The following ANO3 variants were observed in gnomAD, a reference collection of about 807,000 sequenced individuals.
The protein encoded by ANO3 is anoctamin 3.
A neutral mutation model predicts 144.8 loss-of-function variants in ANO3; 99 were observed. That is an observed-to-expected ratio of 0.68 (90% CI 0.58 to 0.81). The LOEUF is 0.81. Ranked by LOEUF, ANO3 falls within the 30% of genes least tolerant of loss-of-function variation. The pLI is 0.00. For missense variants in ANO3, 905 were observed against 1,202.2 expected (o/e 0.75, Z 3.66); for synonymous variants, 414 against 392.6 (o/e 1.05, Z -0.64).
rs1013872628 is a variant in ANO3 at position 26,527,558 on chromosome 11, G to C, written c.737+1879G>C. Among the ~76,000 whole-genome samples, 3 of 152,072 alleles carry C rather than the reference G, an allele frequency of 2.0e-5. No individual in the cohort carries two copies. The East Asian group carries it at 5.8e-4, about 29-fold the overall frequency. Reference sequence around the variant, plus strand: ...ACTCAATCTGTAGACAGTTTGAAAAGTGGAAAATTGAAATCAAACGTGGCC... The same window carrying C: ...ACTCAATCTGTAGACAGTTTGAAAACTGGAAAATTGAAATCAAACGTGGCC... On this transcript the variant is annotated intron_variant, in intron 7 of 26. Transcript: ENST00000256737.
rs190987972 is a variant in ANO3 at position 26,633,177 on chromosome 11, A to G, written c.1874-1027A>G. Among the ~76,000 whole-genome samples the G allele has an allele frequency of 1.6e-3, 239 of 152,338 alleles. 1 individual carries two copies. Among genetic ancestry groups the G allele is most frequent in the African/African-American group, 5.5e-3 (228 of 41,578 alleles). ...GAATTCTTCAATTACGTTAAAATAT[A>G]TGTTAGATGAGACGTATCTATTTTC... On this transcript the variant is annotated intron_variant, in intron 18 of 26. Transcript: ENST00000256737.
chr11:26,262,557 T>C (rs1397859565), intron 1 of ANO3, among the ~76,000 whole-genome samples: 2 of 152,146 alleles, frequency 1.3e-5, no homozygotes, highest in Non-Finnish European at 2.9e-5. Flanking sequence ...TAATAGGTCT[T>C]CTGTTTTCTA....
At chr11:26,527,466 G>A (rs933289522) in intron 7 of ANO3, among the ~76,000 whole-genome samples, 2 of 151,850 alleles carry the variant, frequency 1.3e-5, no homozygotes, top group African/African-American at 4.8e-5. Flanking sequence ...GAGAGGTAGG[G>A]AATAAATAGA....
chr11:26,250,567 T>C lies in ANO3; in HGVS notation c.155-59078T>C, dbSNP rs527793790. Among the ~76,000 whole-genome samples the C allele has an allele frequency of 6.6e-5, 10 of 152,324 alleles. No individual in the cohort carries two copies. In the East Asian group the frequency reaches 1.9e-3, roughly 29 times the overall value. ...TCTGTTGGATTCATCACTGCCCTGC[T>C]TCTATGTTGAAGCACTTTACCATCT... On this transcript the variant is annotated intron_variant, in intron 1 of 27. Coordinates refer to the ANO3 transcript ENST00000672621.
chr11:26,442,212 T>C (rs917292659), intron 2 of ANO3, 100 bp downstream of exon 2: 2 of 1,190,716 alleles, frequency 1.7e-6, no homozygotes, highest in Admixed American at 2.3e-5. Context: ...TTTATAGAGC[T>C]CTTCAGGAAG....
chr11:26,586,018 G>C (rs1029655260), intron 14 of ANO3, among the ~76,000 whole-genome samples: 1 of 152,176 alleles, frequency 6.6e-6, no homozygotes, highest in African/African-American at 2.4e-5. Context: ...TGACCTTATA[G>C]TTTTTGTATT....
intron 1 of ANO3, among the ~76,000 whole-genome samples, chr11:26,416,822 C>G (rs1212408545): frequency 6.6e-6 from 1 of 151,966 alleles, no homozygotes; most frequent in African/African-American, 2.4e-5. Context: ...TTCTTCTAGG[C>G]CTACACCTAA....
chr11:26,416,766 C>A (rs951463118), intron 1 of ANO3, among the ~76,000 whole-genome samples: 2 of 151,976 alleles, frequency 1.3e-5, no homozygotes, highest in African/African-American at 4.8e-5. Flanking sequence ...CTGAACTCTA[C>A]TTAAGATATA....
chr11:26,377,670 A>C (rs1470428026), intron 1 of ANO3, among the ~76,000 whole-genome samples: 1 of 152,178 alleles, frequency 6.6e-6, no homozygotes, highest in Non-Finnish European at 1.5e-5. Context: ...CTTCAATTTC[A>C]GGAAGCTCGA....
In ANO3 at chr11:26,389,495, A is replaced by AAT. The variant is rs145764733; in HGVS notation, c.47-52412_47-52411dup. On this transcript the variant is annotated intron_variant, in intron 1 of 26. Transcript: ENST00000256737. Reference sequence around the variant, plus strand: ...TATGACACATATTTAGCACAATATAAATATATATATATGCCGTTTTAGTCA... The same window carrying AAT: ...TATGACACATATTTAGCACAATATAAATATATATATATATGCCGTTTTAGTCA... 7.3e-3 allele frequency among the ~76,000 whole-genome samples: 1,109 copies of AAT among 151,942 alleles called. 26 individuals are homozygous for AAT. The highest frequency in any genetic ancestry group is 0.026 in the African/African-American group (1,061 of 41,466).
chr11:26,375,630 A>G (rs1033007418), intron 1 of ANO3, among the ~76,000 whole-genome samples: 3 of 152,196 alleles, frequency 2.0e-5, no homozygotes, highest in African/African-American at 7.2e-5. Context: ...TAGAAAATTT[A>G]GAGGGCAAAA....
At chr11:26,373,220 TC>T (rs1313621890) in intron 1 of ANO3, among the ~76,000 whole-genome samples, 3 of 152,280 alleles carry the variant, frequency 2.0e-5, no homozygotes, top group Non-Finnish European at 4.4e-5. Context: ...CTAAATTTCA[TC>T]TCAAATTGTA....
At chr11:26,578,514 G>T (rs755848141) in intron 14 of ANO3, among the ~76,000 whole-genome samples, 1 of 152,200 alleles carries the variant, frequency 6.6e-6, no homozygotes, top group Non-Finnish European at 1.5e-5. Flanking sequence ...AGGGAATAGT[G>T]AATTTGTTTC....
At chr11:26,572,213 G>T (rs1850856667) in intron 14 of ANO3, 6 of 985,476 alleles carry the variant, frequency 6.1e-6, no homozygotes, top group Non-Finnish European at 7.2e-6. Context: ...TCTTGCTTGT[G>T]TAACAGAGCG....
intron 1 of ANO3, among the ~76,000 whole-genome samples, chr11:26,425,235 A>C (rs1170855139): frequency 6.6e-6 from 1 of 152,232 alleles, no homozygotes; most frequent in Non-Finnish European, 1.5e-5. Flanking sequence ...AAATATTTCT[A>C]TAAAGCAGAA....
intron 1 of ANO3, among the ~76,000 whole-genome samples, chr11:26,381,567 T>C (rs1254174171): frequency 6.6e-6 from 1 of 152,222 alleles, no homozygotes; most frequent in Non-Finnish European, 1.5e-5. Context: ...CCCATTTGAA[T>C]GTAAATACCA....
At chr11:26,366,002 ATTTTAAT>A (rs1856069933) in intron 1 of ANO3, among the ~76,000 whole-genome samples, 1 of 140,426 alleles carries the variant, frequency 7.1e-6, no homozygotes, top group African/African-American at 2.7e-5. Context: ...ATATATATAT[ATTTTAAT>A]TATACTTTAA....
chr11:26,296,093 G>A (rs1854082651), intron 1 of ANO3, among the ~76,000 whole-genome samples: 1 of 152,216 alleles, frequency 6.6e-6, no homozygotes. Flanking sequence ...TGAAAACAAA[G>A]TGGTTTATTA....
intron 1 of ANO3, among the ~76,000 whole-genome samples, chr11:26,422,076 G>A (rs2133998900): frequency 6.6e-6 from 1 of 152,032 alleles, no homozygotes; most frequent in Admixed American, 6.6e-5. Context: ...TAACAAACCT[G>A]AACTTGTACC....
Sources: allele counts gnomAD v4.1 joint callset (sites outside exome capture counted in the v4.1 genomes callset), GRCh38; gene constraint gnomAD v4.1.1; transcripts MANE v1.5; gene names NCBI Gene and HGNC (gene_info 2026-07-23, HGNC 2026-07-21).